Variants in ERLIN1 observed in about 807,000 individuals in gnomAD.
ERLIN1 encodes the protein ER lipid raft associated 1.
In ERLIN1, 24 loss-of-function variants were observed where a neutral mutation model predicts 46.9. That is an observed-to-expected ratio of 0.51 (90% CI 0.37 to 0.72). The LOEUF is 0.72. ERLIN1 is among the 30% of genes least tolerant of loss of function. The pLI is 0.00. For synonymous variants in ERLIN1, 158 were observed against 143.2 expected (o/e 1.10, Z -0.74); for missense variants, 293 against 417.9 (o/e 0.70, Z 2.61).
intron 5 of ERLIN1, among the ~76,000 whole-genome samples, 170 bp downstream of exon 5, chr10:100,175,775 T>C (rs1326569339): frequency 6.6e-6 from 1 of 152,224 alleles, no homozygotes; most frequent in Non-Finnish European, 1.5e-5. Context: ...TAACAAGTTA[T>C]ATAAAAAATT....
chr10:100,167,525 G>A (rs1008173193), intron 6 of ERLIN1, 119 bp from the exon 7 acceptor site: 28 of 740,666 alleles, frequency 3.8e-5, no homozygotes, highest in African/African-American at 1.2e-4. Flanking sequence ...ATAATATAGC[G>A]GCCTACTAAC....
chr10:100,178,687 T>C (rs1453846702), intron 3 of ERLIN1, among the ~76,000 whole-genome samples: 1 of 152,232 alleles, frequency 6.6e-6, no homozygotes, highest in Non-Finnish European at 1.5e-5. Flanking sequence ...TTTTAAACTA[T>C]GTTTTATTAA....
At chr10:100,165,730 AAAATTTTCTTTTT>A (rs1285468057) in intron 7 of ERLIN1, among the ~76,000 whole-genome samples, 2 of 152,006 alleles carry the variant, frequency 1.3e-5, no homozygotes, top group African/African-American at 2.4e-5. Context: ...ACAGTTTAAT[AAAATTTTCTTTTT>A]GAGACAGAGT....
chr10:100,175,931 A>C lies in ERLIN1; in HGVS notation c.430+14T>G. 2 of 1,611,600 alleles carry C rather than the reference A, an allele frequency of 1.2e-6. No individual in the cohort carries two copies. Among genetic ancestry groups the C allele is most frequent in the Non-Finnish European group, 1.7e-6 (2 of 1,178,524 alleles). ...CAATTGGCTATTTACATACATAAGA[A>C]TTAAGACACTTACCAAACAATTCAA... On this transcript the variant is annotated intron_variant, in intron 5 of 10. Transcript: ENST00000421367.
intron 7 of ERLIN1, among the ~76,000 whole-genome samples, chr10:100,166,763 T>C (rs1310977001): frequency 6.6e-6 from 1 of 152,234 alleles, no homozygotes; most frequent in Non-Finnish European, 1.5e-5. Flanking sequence ...ACAGTAAGTA[T>C]TCCCCTAAAA....
At chr10:100,162,680 T>A (rs1402824042) in intron 8 of ERLIN1, among the ~76,000 whole-genome samples, 6 of 152,158 alleles carry the variant, frequency 3.9e-5, no homozygotes, top group Non-Finnish European at 7.4e-5. Flanking sequence ...ATTACAGTAC[T>A]AGAAAAAAGA....
At chr10:100,158,652 T>C (rs1388442970) in intron 8 of ERLIN1, among the ~76,000 whole-genome samples, 4 of 152,038 alleles carry the variant, frequency 2.6e-5, no homozygotes, top group East Asian at 1.9e-4. Flanking sequence ...ATGATCATAA[T>C]TGATGGGAGG....
chr10:100,164,185 C>T (rs1296070740), intron 7 of ERLIN1, 90 bp from the exon 8 acceptor site: 6 of 793,718 alleles, frequency 7.6e-6, no homozygotes, highest in East Asian at 5.3e-5. Flanking sequence ...GTCAGAGAAC[C>T]GTTTTGTCAA....
intron 10 of ERLIN1, among the ~76,000 whole-genome samples, chr10:100,152,925 G>A (rs956248897): frequency 5.9e-5 from 9 of 151,800 alleles, no homozygotes; most frequent in East Asian, 3.9e-4. Flanking sequence ...ATTATAGCTC[G>A]CTGCTGCAGC....
At position 100,154,126 on chromosome 10, in the gene ERLIN1, GACA is replaced by G. The variant is rs1401952020; in HGVS notation, c.825+731_825+733del. 2.6e-5 allele frequency among the ~76,000 whole-genome samples: 4 copies of G among 151,986 alleles called. No homozygotes were observed. The East Asian group carries it at 7.7e-4, about 29-fold the overall frequency. The stretch of plus-strand genomic sequence containing the variant: ...CTCCACGATAACCTTATAAATCTTG[GACA>G]TACCCTTCCCTTCTCAGAATACTAT... On this transcript the variant is annotated intron_variant, in intron 10 of 10. Coordinates refer to ENST00000421367, the MANE Select transcript of ERLIN1 (RefSeq NM_006459.4).
intron 6 of ERLIN1, 24 bp downstream of exon 6, chr10:100,174,184 A>G: frequency 1.3e-6 from 2 of 1,486,872 alleles, no homozygotes; most frequent in Non-Finnish European, 1.8e-6. Context: ...ATCCCCAGAG[A>G]ACTTCCCTAG....
chr10:100,157,248 G>C (rs545412474), intron 8 of ERLIN1, among the ~76,000 whole-genome samples: 3 of 152,202 alleles, frequency 2.0e-5, no homozygotes, highest in African/African-American at 2.4e-5. Flanking sequence ...GGTATCAGAA[G>C]AGGAGTATTC....
rs1421038306 is a variant in ERLIN1, at chr10:100,179,251, G to C, written c.196-4C>G. 2 of 1,588,930 alleles carry C rather than the reference G, an allele frequency of 1.3e-6. No homozygotes were observed. The highest frequency in any genetic ancestry group is 1.7e-6 in the Non-Finnish European group (2 of 1,165,736). On this transcript the variant is annotated splice_region_variant and splice_polypyrimidine_tract_variant and intron_variant, in intron 2 of 10. Coordinates refer to ENST00000421367, the MANE Select transcript of ERLIN1 (RefSeq NM_006459.4). ...CTTCATCAGTTTGTAGTGTTGTCTA[G>C]GGAGGAAAAGATATCTCATCAACAC...
chr10:100,162,260 A>G (rs1259755534), intron 8 of ERLIN1, among the ~76,000 whole-genome samples: 3 of 152,188 alleles, frequency 2.0e-5, no homozygotes, highest in African/African-American at 7.2e-5. Flanking sequence ...CAACAACAAA[A>G]AAGGAAACTT....
rs889412757 is a variant in ERLIN1, at chr10:100,152,014, A to T, written c.*117T>A. 1.3e-5 allele frequency: 10 copies of T among 742,106 alleles called. No homozygotes were observed. Among genetic ancestry groups the T allele is most frequent in the Non-Finnish European group, 2.4e-5 (10 of 413,172 alleles). 46.0% of individuals were successfully genotyped at this position (742,106 alleles called of 1,614,324 possible). A position where few individuals can be genotyped will look rare whatever the true frequency, so the allele number is the denominator to read the frequency against. On this transcript the variant is annotated 3_prime_UTR_variant, in exon 11 of 11. Transcript: ENST00000421367. ...GTGGAGCACCCAGGACTATCGCAGG[A>T]GAGGTGGAACAGATGAAGTGTAAGT...
At chr10:100,169,593 C>A (rs1245033261) in intron 6 of ERLIN1, among the ~76,000 whole-genome samples, 2 of 150,394 alleles carry the variant, frequency 1.3e-5, no homozygotes, top group African/African-American at 4.9e-5. Context: ...GATAAATCTA[C>A]CAAGAATCAA....
At chr10:100,154,748 A>G in intron 10 of ERLIN1, 112 bp downstream of exon 10, 1 of 812,444 alleles carries the variant, frequency 1.2e-6, no homozygotes, top group South Asian at 1.6e-5. Flanking sequence ...TGTCTTGGTC[A>G]CTACACTTTC....
rs976239031 is a variant in ERLIN1 at position 100,151,975 on chromosome 10, C to T, written c.*156G>A. ...CCATTTGTGTGTCAGACAGCTGGCTCTATCCTCCAATCAGTGGAGCACCCA... is the reference window on the plus strand; with the variant it reads ...CCATTTGTGTGTCAGACAGCTGGCTTTATCCTCCAATCAGTGGAGCACCCA... On this transcript the variant is annotated 3_prime_UTR_variant, in exon 11 of 11. Coordinates refer to ENST00000421367, the MANE Select transcript of ERLIN1 (RefSeq NM_006459.4). The T allele has an allele frequency of 5.8e-6, 4 of 695,134 alleles. No individual in the cohort carries two copies. Among genetic ancestry groups the T allele is most frequent in the Non-Finnish European group, 1.1e-5 (4 of 379,244 alleles). 43.1% of individuals were successfully genotyped at this position (695,134 alleles called of 1,614,324 possible).
chr10:100,166,254 T>C (rs1314017586), intron 7 of ERLIN1, among the ~76,000 whole-genome samples: 1 of 152,022 alleles, frequency 6.6e-6, no homozygotes, highest in South Asian at 2.1e-4. Flanking sequence ...ACTCCGTCTC[T>C]ATGAAAAATA....
Sources: gnomAD v4.1 joint callset for allele counts (sites outside exome capture counted in the v4.1 genomes callset) on GRCh38, gnomAD v4.1.1 for gene constraint, MANE v1.5 for transcripts, NCBI Gene and HGNC (gene_info 2026-07-23, HGNC 2026-07-21) for gene names.